Variants in SAG observed in about 807,000 individuals in gnomAD.
SAG encodes S-antigen visual arrestin.
In SAG, 45 loss-of-function variants were observed where a neutral mutation model predicts 55.0. The observed-to-expected ratio is 0.82, with a 90% CI of 0.64 to 1.05. SAG has a LOEUF of 1.05. Ranked by LOEUF, SAG falls within the 50% of genes least tolerant of loss-of-function variation. The pLI is 0.00. For missense variants in SAG, 455 were observed against 512.1 expected (o/e 0.89, Z 1.08); for synonymous variants, 189 against 197.4 (o/e 0.96, Z 0.36).
At chr2:233,310,882 G>C (rs927379980) in intron 2 of SAG, among the ~76,000 whole-genome samples, 7 of 152,002 alleles carry the variant, frequency 4.6e-5, no homozygotes, top group Admixed American at 4.6e-4. Flanking sequence ...CAGGAGATCC[G>C]GCTTTGCCTG....
chr2:233,334,843 C>T (rs1267169965), intron 10 of SAG, 119 bp from the exon 11 acceptor site: 1 of 1,235,376 alleles, frequency 8.1e-7, no homozygotes, highest in Non-Finnish European at 1.2e-6. Context: ...TTGAACCCAC[C>T]TTCCCAGGAG....
chr2:233,322,866 T>C (rs2125330558), intron 5 of SAG, 80 bp from the exon 6 acceptor site: 2 of 864,180 alleles, frequency 2.3e-6, no homozygotes, highest in South Asian at 3.2e-5. Context: ...CTTTATTTTC[T>C]AATTTTTACA....
chr2:233,334,928 T>C, intron 10 of SAG, 34 bp from the exon 11 acceptor site: 1 of 1,610,692 alleles, frequency 6.2e-7, no homozygotes, highest in Non-Finnish European at 8.5e-7. Context: ...GCAGCTTTGA[T>C]GGTTATAAAT....
At chr2:233,313,234 C>T (rs1032194150) in intron 2 of SAG, among the ~76,000 whole-genome samples, 1 of 152,140 alleles carries the variant, frequency 6.6e-6, no homozygotes, top group African/African-American at 2.4e-5. Flanking sequence ...GGATTTCCCC[C>T]AGGTGAAAGT....
In SAG at chr2:233,318,746, C is replaced by G; in HGVS notation, c.137-5C>G. On this transcript the variant is annotated splice_polypyrimidine_tract_variant and splice_region_variant and intron_variant, in intron 3 of 15. Transcript: ENST00000409110. ...CCTCACTGCTCTCTCCCTCTTTTGCCTTAGATGGTGTCGTGTTGGTTGATC... is the reference window on the plus strand; with the variant it reads ...CCTCACTGCTCTCTCCCTCTTTTGCGTTAGATGGTGTCGTGTTGGTTGATC... 1.2e-6 allele frequency: 2 copies of G among 1,613,532 alleles called. No individual in the cohort carries two copies. The highest frequency in any genetic ancestry group is 1.7e-6 in the Non-Finnish European group (2 of 1,179,474).
intron 11 of SAG, among the ~76,000 whole-genome samples, chr2:233,337,938 G>T (rs989077701): frequency 3.3e-5 from 5 of 152,222 alleles, no homozygotes; most frequent in Non-Finnish European, 5.9e-5. Flanking sequence ...ACTTCAGTAC[G>T]TATTAGTGGG....
At chr2:233,337,417 C>A (rs1180724441) in intron 11 of SAG, among the ~76,000 whole-genome samples, 4 of 152,016 alleles carry the variant, frequency 2.6e-5, no homozygotes, top group Non-Finnish European at 5.9e-5. Flanking sequence ...TTTGTACTTT[C>A]AATAGAGATG....
intron 2 of SAG, among the ~76,000 whole-genome samples, chr2:233,313,111 T>G (rs1229041003): frequency 6.6e-6 from 1 of 152,172 alleles, no homozygotes; most frequent in Admixed American, 6.5e-5. Context: ...GAACACAGTG[T>G]GCTGCACACT....
At position 233,309,186 on chromosome 2, in the gene SAG, T is replaced by C; in HGVS notation, c.-4T>C. 2 of 1,613,220 alleles carry C rather than the reference T, an allele frequency of 1.2e-6. No homozygotes were observed. The highest frequency in any genetic ancestry group is 1.7e-6 in the Non-Finnish European group (2 of 1,179,390). Reference sequence around the variant, plus strand: ...GGTGGTAGAAGTTGCCAGGGACAGATAACATGGCAGCCAGCGGGAAGACCA... The same window carrying C: ...GGTGGTAGAAGTTGCCAGGGACAGACAACATGGCAGCCAGCGGGAAGACCA... On this transcript the variant is annotated 5_prime_UTR_variant, in exon 2 of 16. Transcript: ENST00000409110.
In SAG at chr2:233,319,033, A is replaced by G; in HGVS notation, c.181+238A>G. 1 of 698,454 alleles carries G rather than the reference A, an allele frequency of 1.4e-6. No homozygotes were observed. The highest frequency in any genetic ancestry group is 2.7e-6 in the Non-Finnish European group (1 of 372,098). The allele number at this position is 698,454 out of a possible 1,614,324, so 43.3% of individuals were successfully genotyped here. On this transcript the variant is annotated intron_variant, in intron 4 of 15. Coordinates refer to ENST00000409110, the MANE Select transcript of SAG (RefSeq NM_000541.5). The surrounding 1 kb of genome is among the most constrained non-coding windows in gnomAD (Gnocchi z 4.4). ...AAAGTCATTGTCCAGGGTGGCAGAT[A>G]AGTAGATGGTAGACGGAGCCCAGGT...
intron 11 of SAG, among the ~76,000 whole-genome samples, chr2:233,336,060 G>A (rs148402474): frequency 2.6e-5 from 4 of 152,358 alleles, no homozygotes; most frequent in Non-Finnish European, 5.9e-5. Context: ...CCAAGTTACT[G>A]TGTTAGATTC....
At chr2:233,341,315 T>C (rs1469924111) in intron 13 of SAG, among the ~76,000 whole-genome samples, 1 of 152,192 alleles carries the variant, frequency 6.6e-6, no homozygotes, top group East Asian at 1.9e-4. Context: ...GACTAAGAGC[T>C]GAGATGATGC....
rs1051469996 is a variant in SAG at position 233,340,102 on chromosome 2, G to A, written c.1023-353G>A. Among the ~76,000 whole-genome samples the A allele has an allele frequency of 1.2e-4, 18 of 151,822 alleles. No individual in the cohort carries two copies. Among genetic ancestry groups the A allele is most frequent in the Non-Finnish European group, 1.6e-4 (11 of 68,006 alleles). On this transcript the variant is annotated intron_variant, in intron 12 of 15. Transcript: ENST00000409110. The surrounding 1 kb of genome is among the most constrained non-coding windows in gnomAD (Gnocchi z 4.2). ...CTCCCGAGTAGCTAAGATTACAGGC[G>A]CCTGCCACCATGCCCGGCTAATTTT...
At chr2:233,324,925 A>C (rs1700502085) in intron 6 of SAG, among the ~76,000 whole-genome samples, 2 of 152,106 alleles carry the variant, frequency 1.3e-5, no homozygotes, top group African/African-American at 4.8e-5. Context: ...AACAGAATGG[A>C]ATGGAATAGA....
intron 2 of SAG, among the ~76,000 whole-genome samples, chr2:233,315,146 G>C (rs1700181571): frequency 6.6e-6 from 1 of 152,140 alleles, no homozygotes; most frequent in African/African-American, 2.4e-5. Context: ...AGGGCCTGTG[G>C]GCCCAGATGA....
At chr2:233,322,185 CAAAAAAAA>C (rs35197599) in intron 5 of SAG, among the ~76,000 whole-genome samples, 1 of 66,108 alleles carries the variant, frequency 1.5e-5, no homozygotes, top group African/African-American at 5.2e-5. Context: ...GACTCTGTCT[CAAAAAAAA>C]AAAAAAAAAA....
Position 233,346,454 on chromosome 2 carries a change from T to C in SAG, c.1112+42T>C, listed in dbSNP as rs183790839. ...AATGTGGCCCTGATTTGTCCTATGC[T>C]CTGGGACCTTCTCCTCCAGCACAAA... On this transcript the variant is annotated intron_variant, in intron 15 of 15. Coordinates refer to ENST00000409110, the MANE Select transcript of SAG (RefSeq NM_000541.5). The C allele has an allele frequency of 1.2e-4, 192 of 1,600,510 alleles. 1 individual carries two copies. In the African/African-American group the frequency reaches 2.4e-3, roughly 20 times the overall value.
At chr2:233,339,984 T>A (rs112321409) in intron 12 of SAG, among the ~76,000 whole-genome samples, 1 of 136,672 alleles carries the variant, frequency 7.3e-6, no homozygotes, top group African/African-American at 2.8e-5. Context: ...TGAGACGGAG[T>A]CTTATTCTGT....
chr2:233,336,530 C>T (rs1371144109), intron 11 of SAG, among the ~76,000 whole-genome samples: 2 of 150,574 alleles, frequency 1.3e-5, no homozygotes, highest in Non-Finnish European at 3.0e-5. Context: ...AAAAAAAAAC[C>T]AACCAACAAA....
Sources: allele counts gnomAD v4.1 joint callset (sites outside exome capture counted in the v4.1 genomes callset), GRCh38; gene constraint gnomAD v4.1.1; non-coding constraint Gnocchi (gnomAD v3.1); transcripts MANE v1.5; gene names NCBI Gene and HGNC (gene_info 2026-07-23, HGNC 2026-07-21).